Variants in DGKI observed in about 807,000 individuals in gnomAD.
The protein encoded by DGKI is DAG kinase iota.
A neutral mutation model predicts 147.5 loss-of-function variants in DGKI; 55 were observed. That is an observed-to-expected ratio of 0.37 (90% CI 0.30 to 0.47). The LOEUF is 0.47. Ranked by LOEUF, DGKI falls within the 20% of genes least tolerant of loss-of-function variation. DGKI has a pLI of 1.00. For synonymous variants in DGKI, 469 were observed against 477.1 expected (o/e 0.98, Z 0.22); for missense variants, 1,007 against 1,323.8 (o/e 0.76, Z 3.71).
At chr7:137,613,483 G>A (rs1820433804) in intron 8 of DGKI, among the ~76,000 whole-genome samples, 1 of 152,084 alleles carries the variant, frequency 6.6e-6, no homozygotes, top group South Asian at 2.1e-4. Flanking sequence ...CAAAGGAAAT[G>A]GTTCAGGCAA....
chr7:137,488,531 C>G (rs1230530765), intron 21 of DGKI, among the ~76,000 whole-genome samples: 1 of 147,224 alleles, frequency 6.8e-6, no homozygotes, highest in African/African-American at 2.5e-5. Context: ...AAAAAAAAAT[C>G]TACAAATTTC....
chr7:137,465,893 G>GAGA lies in DGKI; in HGVS notation c.2612+12_2612+14dup, dbSNP rs776252840. 6 of 1,612,726 alleles carry GAGA rather than the reference G, an allele frequency of 3.7e-6. No homozygotes were observed. The African/African-American group carries it at 8.0e-5, about 22-fold the overall frequency. ...CCCTAAGGCCAGCCTCACAGGCCAG[G>GAGA]AGAAGCACACTCACCCCGAGGCTTG... On this transcript the variant is annotated intron_variant, in intron 26 of 32. Coordinates refer to ENST00000614521, the MANE Select transcript of DGKI (RefSeq NM_001321708.2).
At chr7:137,507,121 C>T (rs148217883) in intron 21 of DGKI, among the ~76,000 whole-genome samples, 9 of 152,264 alleles carry the variant, frequency 5.9e-5, no homozygotes, top group South Asian at 2.1e-4. Context: ...TGGGGAGCAA[C>T]GAATGGGCAT....
At chr7:137,668,759 C>T (rs529043303) in intron 3 of DGKI, among the ~76,000 whole-genome samples, 109 of 152,206 alleles carry the variant, frequency 7.2e-4, no homozygotes, top group Non-Finnish European at 5.0e-4. Context: ...GGAGGGAGAG[C>T]CTGACTGTCA....
chr7:137,733,267 G>A (rs1413380865), intron 1 of DGKI, among the ~76,000 whole-genome samples: 2 of 151,826 alleles, frequency 1.3e-5, no homozygotes, highest in Non-Finnish European at 2.9e-5. Flanking sequence ...TCAGCACCTG[G>A]TAACCACCAT....
At chr7:137,738,486 C>A (rs1433891541) in intron 1 of DGKI, among the ~76,000 whole-genome samples, 2 of 151,974 alleles carry the variant, frequency 1.3e-5, no homozygotes, top group Non-Finnish European at 2.9e-5. Flanking sequence ...TGATATTTAC[C>A]TTTCAATATA....
chr7:137,448,921 A>G (rs948079390), intron 27 of DGKI, among the ~76,000 whole-genome samples: 4 of 152,210 alleles, frequency 2.6e-5, no homozygotes, highest in Admixed American at 2.6e-4. Flanking sequence ...CACTAGGAAA[A>G]AAGATTAAGA....
chr7:137,793,691 A>ATGTT (rs1219920085), intron 1 of DGKI, among the ~76,000 whole-genome samples: 1 of 152,132 alleles, frequency 6.6e-6, no homozygotes, highest in African/African-American at 2.4e-5. Flanking sequence ...TGGGCTACTA[A>ATGTT]TGTTTACCAT....
At chr7:137,723,518 G>A (rs1794627169) in intron 1 of DGKI, among the ~76,000 whole-genome samples, 1 of 152,052 alleles carries the variant, frequency 6.6e-6, no homozygotes, top group Admixed American at 6.6e-5. Flanking sequence ...CTTCTGGATG[G>A]TGGGCATAAA....
Position 137,581,979 on chromosome 7 carries a change from AGAG to A in DGKI, c.1564-54_1564-52del, listed in dbSNP as rs1213597606. ...CAAAATTTTGTGTGGCCAGGCAGAA[AGAG>A]AAGAATAAAACCTAAAGCTGGACCC... On this transcript the variant is annotated intron_variant, in intron 14 of 32. Transcript: ENST00000614521. 5 of 1,476,454 alleles carry A rather than the reference AGAG, an allele frequency of 3.4e-6. No individual in the cohort carries two copies. The African/African-American group carries it at 4.2e-5, about 12-fold the overall frequency. The allele number at this position is 1,476,454 out of a possible 1,614,324, so 91.5% of individuals were successfully genotyped here. A position where few individuals can be genotyped will look rare whatever the true frequency, so the allele number is the denominator to read the frequency against.
At chr7:137,438,415 A>G (rs553477270) in intron 28 of DGKI, among the ~76,000 whole-genome samples, 8 of 152,282 alleles carry the variant, frequency 5.3e-5, no homozygotes, top group African/African-American at 1.9e-4. Flanking sequence ...AAACATTTTT[A>G]AATTAGTTAA....
intron 1 of DGKI, chr7:137,843,424 T>C: frequency 2.0e-6 from 2 of 985,364 alleles, no homozygotes; most frequent in Non-Finnish European, 2.4e-6. Context: ...CCTTCAGCTT[T>C]ACAGTCGACA....
At chr7:137,430,791 T>G (rs1282369538) in intron 28 of DGKI, among the ~76,000 whole-genome samples, 1 of 151,966 alleles carries the variant, frequency 6.6e-6, no homozygotes, top group African/African-American at 2.4e-5. Flanking sequence ...AAGGAAGACA[T>G]AAGAAGCACT....
chr7:137,722,461 G>A, intron 1 of DGKI: 9 of 1,611,142 alleles, frequency 5.6e-6, no homozygotes, highest in Non-Finnish European at 6.8e-6. Flanking sequence ...ACGCCACAGG[G>A]GCAAGAGGGT....
At chr7:137,757,671 T>A (rs1795731013) in intron 1 of DGKI, among the ~76,000 whole-genome samples, 1 of 152,130 alleles carries the variant, frequency 6.6e-6, no homozygotes, top group East Asian at 1.9e-4. Flanking sequence ...GAAAAAAAAA[T>A]TACTCAAGCC....
At chr7:137,633,522 T>C (rs1821208223) in intron 6 of DGKI, among the ~76,000 whole-genome samples, 1 of 152,224 alleles carries the variant, frequency 6.6e-6, no homozygotes. Context: ...TGTGTTTACA[T>C]TTCCAAAATT....
Position 137,386,040 on chromosome 7 carries a change from T to C in DGKI, c.*5180A>G, listed in dbSNP as rs543856668. The C allele has an allele frequency of 2.0e-5, 3 of 152,304 alleles. No homozygotes were observed. In the East Asian group the frequency reaches 5.8e-4, roughly 29 times the overall value. The allele number at this position is 152,304 out of a possible 1,614,324, so 9.4% of individuals were successfully genotyped here. ...CACTTATGATTGATTCATGGACATA[T>C]GATTACATGCATAACTGAATACATA... On this transcript the variant is annotated 3_prime_UTR_variant, in exon 33 of 33. Coordinates refer to ENST00000614521, the MANE Select transcript of DGKI (RefSeq NM_001321708.2).
intron 27 of DGKI, among the ~76,000 whole-genome samples, chr7:137,460,813 G>T (rs1299484523): frequency 6.6e-6 from 1 of 152,138 alleles, no homozygotes; most frequent in Non-Finnish European, 1.5e-5. Context: ...TGGCTTGAAA[G>T]AAAGATATAA....
intron 27 of DGKI, among the ~76,000 whole-genome samples, chr7:137,452,659 ACAT>A (rs1814018021): frequency 6.6e-6 from 1 of 152,148 alleles, no homozygotes; most frequent in South Asian, 2.1e-4. Context: ...CTTTCTATAA[ACAT>A]CAGGTGATGA....
Sources: allele counts gnomAD v4.1 joint callset (sites outside exome capture counted in the v4.1 genomes callset), GRCh38; gene constraint gnomAD v4.1.1; transcripts MANE v1.5; gene names NCBI Gene and HGNC (gene_info 2026-07-23, HGNC 2026-07-21).